Variants in DYRK4 observed in about 807,000 individuals in gnomAD.
DYRK4 encodes dual specificity tyrosine phosphorylation regulated kinase 4.
Under a neutral mutation model 68.3 loss-of-function variants are expected in DYRK4, and 64 were observed. The observed-to-expected ratio is 0.94, with a 90% CI of 0.77 to 1.15. The LOEUF (loss-of-function observed/expected upper bound fraction) is 1.15. Ranked by LOEUF, DYRK4 falls within the 50% of genes most tolerant of loss-of-function variation. The pLI is 0.00. For missense variants in DYRK4, 740 were observed against 764.7 expected, an observed-to-expected ratio of 0.97 and a Z score of 0.38; for synonymous variants, 274 against 289.9, an observed-to-expected ratio of 0.95 and a Z score of 0.56.
intron 1 of DYRK4, among the ~76,000 whole-genome samples, chr12:4,565,881 G>A (rs538555761): frequency 9.2e-5 from 14 of 151,826 alleles, no homozygotes; most frequent in Non-Finnish European, 1.9e-4. Context: ...CACCCGCCAC[G>A]GCCTCCCAAA....
intron 8 of DYRK4, among the ~76,000 whole-genome samples, chr12:4,597,438 C>A (rs184487695): frequency 6.6e-5 from 10 of 152,374 alleles, no homozygotes; most frequent in Non-Finnish European, 1.2e-4. Context: ...TAGGAACCAG[C>A]TACATTTGAA....
rs202165110 is a variant in DYRK4 at position 4,596,327 on chromosome 12, G to A, written c.764+42G>A. 2.3e-5 allele frequency: 37 copies of A among 1,612,060 alleles called. No individual in the cohort carries two copies. In the South Asian group the frequency reaches 3.2e-4, roughly 14 times the overall value. ...ACATAGGCCACAGAGGAGGGACTGCGTGACTGTGGCCCCTGCAGAATGCCA... is the reference window on the plus strand; with the variant it reads ...ACATAGGCCACAGAGGAGGGACTGCATGACTGTGGCCCCTGCAGAATGCCA... On this transcript the variant is annotated intron_variant, in intron 7 of 14. Transcript: ENST00000543431.
At chr12:4,568,115 C>A in intron 2 of DYRK4, 67 bp downstream of exon 2, 1 of 1,363,824 alleles carries the variant, frequency 7.3e-7, no homozygotes, top group Non-Finnish European at 1.0e-6. Flanking sequence ...ACTCAGGACC[C>A]AGTGCTGATG....
chr12:4,599,251 A>T, intron 9 of DYRK4, 85 bp downstream of exon 9: 3 of 1,329,096 alleles, frequency 2.3e-6, no homozygotes, highest in Non-Finnish European at 3.1e-6. Context: ...ACAAACTCCA[A>T]TCAAATAATT....
At position 4,580,917 on chromosome 12, in the gene DYRK4, A is replaced by C. The variant is rs1249651910; in HGVS notation, c.133-8020A>C. On this transcript the variant is annotated intron_variant, in intron 2 of 14. Coordinates refer to ENST00000543431, the MANE Select transcript of DYRK4 (RefSeq NM_001394779.1). ...GTGTGATGGAGGTGTGCCTTTCCGA[A>C]AAGGCTGGGTGGCCTGAGGCCTGCA... 5.3e-5 allele frequency: 24 copies of C among 455,330 alleles called. No homozygotes were observed. The Admixed American group carries it at 5.7e-4, about 11-fold the overall frequency. The allele number at this position is 455,330 out of a possible 1,614,324, so 28.2% of individuals were successfully genotyped here.
Position 4,607,341 on chromosome 12 carries a change from G to A in DYRK4, c.1314G>A (p.Pro438=), listed in dbSNP as rs774154805. 9 of 1,614,070 alleles carry A rather than the reference G, an allele frequency of 5.6e-6. No homozygotes were observed. The highest frequency in any genetic ancestry group is 2.2e-5 in the South Asian group (2 of 91,086). ...TCCTTATTAAGGTGCTGGGTCTGCC[G>A]CCAGCCGGCTTCATTCAGACAGCCT... The part of the protein sequence containing the change: ...LACIMEVLGL[P]PAGFIQTASR... Residue 438 remains proline, a synonymous_variant, in exon 12 of 15, where the codon CCG becomes CCA. Coordinates refer to ENST00000543431, the MANE Select transcript of DYRK4 (RefSeq NM_001394779.1).
At position 4,607,183 on chromosome 12, in the gene DYRK4, G is replaced by C. The variant is rs1045079419; in HGVS notation, c.1300-144G>C. On this transcript the variant is annotated intron_variant, in intron 11 of 14. Transcript: ENST00000543431. The stretch of plus-strand genomic sequence containing the variant: ...GTTAAAAGGCCCAGGCTCTGGGTTT[G>C]CTCTGCTACTGACCAGATGTTATTA... 263 of 828,942 alleles carry C rather than the reference G, an allele frequency of 3.2e-4. 1 individual carries two copies. In the East Asian group the frequency reaches 7.1e-3, roughly 22 times the overall value. 51.3% of individuals were successfully genotyped at this position (828,942 alleles called of 1,614,324 possible). A position where few individuals can be genotyped will look rare whatever the true frequency, so the allele number is the denominator to read the frequency against.
chr12:4,612,567 C>G lies in DYRK4; in HGVS notation c.1515C>G (p.Thr505=), dbSNP rs1227857754. 1 of 1,614,008 alleles carries G rather than the reference C, an allele frequency of 6.2e-7. No homozygotes were observed. The highest frequency in any genetic ancestry group is 2.2e-5 in the East Asian group (1 of 44,890). Residue 505 remains threonine (T), a synonymous_variant, in exon 14 of 15, where the codon ACC becomes ACG. Transcript: ENST00000543431. ...GATGGGAACCTTCTCTTCGCATGAC[C>G]CCGGACCAGGCCCTCAAGCATGCTT... is the stretch of plus-strand genomic sequence containing the variant. ...CLVWEPSLRM[T]PDQALKHAWI... is the part of the protein sequence containing the mutation.
At chr12:4,602,826 T>A in intron 10 of DYRK4, 1 of 1,341,160 alleles carries the variant, frequency 7.5e-7, no homozygotes, top group Non-Finnish European at 1.1e-6. Context: ...AGGAGCATAT[T>A]TTCTTGTCCC....
intron 1 of DYRK4, among the ~76,000 whole-genome samples, chr12:4,567,113 A>G (rs1055230938): frequency 7.9e-5 from 12 of 152,224 alleles, no homozygotes; most frequent in Non-Finnish European, 1.8e-4. Flanking sequence ...TTCAATAGTT[A>G]TACTGCAAGA....
intron 2 of DYRK4, among the ~76,000 whole-genome samples, chr12:4,576,472 G>A (rs980210494): frequency 6.6e-6 from 1 of 152,182 alleles, no homozygotes; most frequent in Admixed American, 6.5e-5. Flanking sequence ...TCTGCTATAA[G>A]CATTCATGTG....
chr12:4,574,411 T>C (rs1638230632), intron 2 of DYRK4, among the ~76,000 whole-genome samples: 1 of 152,068 alleles, frequency 6.6e-6, no homozygotes, highest in Non-Finnish European at 1.5e-5. Flanking sequence ...TTTGCATGTT[T>C]TTTAAAAATA....
intron 1 of DYRK4, 82 bp from the exon 2 acceptor site, chr12:4,567,873 C>T (rs2137318220): frequency 8.2e-7 from 1 of 1,222,992 alleles, no homozygotes; most frequent in Non-Finnish European, 1.1e-6. Flanking sequence ...AACCTGCCTG[C>T]TTTCTTCTGT....
intron 3 of DYRK4, chr12:4,590,066 C>G (rs997868): frequency 2.8e-6 from 3 of 1,072,176 alleles, no homozygotes; most frequent in Non-Finnish European, 3.5e-6. Flanking sequence ...ATTGAGGTTT[C>G]GAGAAAGAGT....
At position 4,593,150 on chromosome 12, in the gene DYRK4, T is replaced by C. The variant is rs1565538298; in HGVS notation, c.612T>C (p.His204=). 1.2e-6 allele frequency: 2 copies of C among 1,613,810 alleles called. No homozygotes were observed. The highest frequency in any genetic ancestry group is 3.3e-5 in the Admixed American group (2 of 60,026). ...KFSKTSFDDE[H]GFYLKVLHDH... ...GCAAGACGAGTTTTGATGATGAGCA[T>C]GGCTTCTATCTGAAGGTGATGGGGG... Residue 204 remains histidine, a synonymous_variant, in exon 6 of 15, where the codon CAT becomes CAC. Transcript: ENST00000543431.
intron 12 of DYRK4, among the ~76,000 whole-genome samples, chr12:4,608,429 C>T (rs1945179024): frequency 6.6e-6 from 1 of 152,098 alleles, no homozygotes; most frequent in East Asian, 1.9e-4. Flanking sequence ...CAACTTGCTC[C>T]ATCAGTAGGA....
Position 4,575,299 on chromosome 12 carries a change from C to CTGTGTGTG in DYRK4, c.132+7267_132+7274dup, listed in dbSNP as rs35874260. Among the ~76,000 whole-genome samples, 112 of 148,966 alleles carry CTGTGTGTG rather than the reference C, an allele frequency of 7.5e-4. 2 individuals carry two copies. The highest frequency in any genetic ancestry group is 2.6e-3 in the African/African-American group (107 of 40,544). ...TTGCCAATTTACTAACAATAACTTA[C>CTGTGTGTG]TGTGTGTGTGTGTGTGTGTGTGTTT... On this transcript the variant is annotated intron_variant, in intron 2 of 14. Transcript: ENST00000543431.
At chr12:4,581,773 CCTT>C (rs1227941191) in intron 2 of DYRK4, among the ~76,000 whole-genome samples, 3 of 152,194 alleles carry the variant, frequency 2.0e-5, no homozygotes, top group South Asian at 2.1e-4. Flanking sequence ...TTCCCTCTCA[CCTT>C]CTTTTCCTCC....
intron 13 of DYRK4, among the ~76,000 whole-genome samples, chr12:4,611,486 A>G (rs1170770547): frequency 6.6e-6 from 1 of 152,178 alleles, no homozygotes; most frequent in African/African-American, 2.4e-5. Flanking sequence ...TATCTTATAT[A>G]TATATATTGC....
Sources: gnomAD v4.1 joint callset for allele counts (sites outside exome capture counted in the v4.1 genomes callset) on GRCh38, gnomAD v4.1.1 for gene constraint, MANE v1.5 for transcripts, NCBI Gene and HGNC (gene_info 2026-07-23, HGNC 2026-07-21) for gene names.